The following IFT56 variants were observed in gnomAD, a reference collection of about 807,000 sequenced individuals.
The protein encoded by IFT56 is intraflagellar transport protein 56.
chr7:139,166,477 G>A, the IFT56 span, among the ~76,000 whole-genome samples: 1 of 151,652 alleles, frequency 6.6e-6, no homozygotes, highest in East Asian at 1.9e-4. Flanking sequence ...ATGTTTTAAA[G>A]CAAATCTCAG....
At chr7:139,135,943 G>A in the IFT56 span, among the ~76,000 whole-genome samples, 1 of 148,508 alleles carries the variant, frequency 6.7e-6, no homozygotes, top group Non-Finnish European at 1.5e-5. Flanking sequence ...CTTTTTTTGA[G>A]TTGGAGTTTC....
chr7:139,185,503 TATA>T, the IFT56 span, among the ~76,000 whole-genome samples: 43 of 152,214 alleles, frequency 2.8e-4, no homozygotes, highest in East Asian at 5.8e-3. Context: ...AGGTGAGTCT[TATA>T]ATGTTGAATC....
At chr7:139,176,970 G>A in the IFT56 span, among the ~76,000 whole-genome samples, 36 of 151,814 alleles carry the variant, frequency 2.4e-4, no homozygotes, top group African/African-American at 6.3e-4. Context: ...TCAGGAGATC[G>A]AGACCAGTCT....
chr7:139,168,581 A>AG, the IFT56 span: 1 of 541,458 alleles, frequency 1.8e-6, no homozygotes, highest in Non-Finnish European at 3.3e-6. Flanking sequence ...AAAAAAAAAA[A>AG]CAAAAAAAAA....
chr7:139,150,462 C>A, the IFT56 span, among the ~76,000 whole-genome samples: 1 of 152,154 alleles, frequency 6.6e-6, no homozygotes, highest in South Asian at 2.1e-4. Flanking sequence ...TAGTATACAC[C>A]TAGAATTATC....
At chr7:139,142,220 G>A in the IFT56 span, 4 of 1,612,906 alleles carry the variant, frequency 2.5e-6, 1 homozygote, top group South Asian at 3.3e-5. Context: ...CTAGACTGTT[G>A]AGTTCTTTAA....
the IFT56 span, among the ~76,000 whole-genome samples, chr7:139,138,502 G>C: frequency 6.6e-6 from 1 of 152,142 alleles, no homozygotes; most frequent in African/African-American, 2.4e-5. Context: ...ATAAAGGAGG[G>C]CTACTGTATA....
chr7:139,148,068 T>C, the IFT56 span: 1 of 674,038 alleles, frequency 1.5e-6, no homozygotes, highest in African/African-American at 1.8e-5. Context: ...AAAAAAATTA[T>C]ACTGATCATA....
the IFT56 span, chr7:139,139,830 AG>A: frequency 9.2e-7 from 1 of 1,081,636 alleles, no homozygotes; most frequent in Non-Finnish European, 1.4e-6. Flanking sequence ...CCATTGTGGA[AG>A]AATGGCCCAT....
the IFT56 span, among the ~76,000 whole-genome samples, chr7:139,185,201 CAA>C: frequency 0.18 from 27,463 of 149,888 alleles, 4,577 homozygotes; most frequent in African/African-American, 0.4. Context: ...ACCTTGTGTC[CAA>C]AAAAAAAGAG....
the IFT56 span, chr7:139,187,566 C>A: frequency 6.2e-7 from 1 of 1,611,576 alleles, no homozygotes; most frequent in Non-Finnish European, 8.5e-7. Context: ...GAAATACTAC[C>A]TCTACTCATT....
the IFT56 span, among the ~76,000 whole-genome samples, chr7:139,146,050 A>T: frequency 6.6e-6 from 1 of 152,098 alleles, no homozygotes; most frequent in Admixed American, 6.5e-5. Context: ...ATATTGCCAA[A>T]TTTGTATCAT....
chr7:139,153,359 G>A, the IFT56 span, among the ~76,000 whole-genome samples: 1 of 151,428 alleles, frequency 6.6e-6, no homozygotes, highest in South Asian at 2.1e-4. Context: ...GTTGAGGCAC[G>A]AGAATCACTT....
chr7:139,173,065 C>A, the IFT56 span: 4 of 732,180 alleles, frequency 5.5e-6, no homozygotes, highest in African/African-American at 3.5e-5. Flanking sequence ...CTCAGCTTTG[C>A]GCCTTTTGTG....
At chr7:139,166,848 C>T in the IFT56 span, 3 of 1,581,566 alleles carry the variant, frequency 1.9e-6, no homozygotes, top group East Asian at 2.2e-5. Flanking sequence ...AGATGATGTA[C>T]AAGAAGCTTA....
the IFT56 span, chr7:139,148,114 C>G: frequency 1.7e-6 from 2 of 1,193,866 alleles, no homozygotes; most frequent in Non-Finnish European, 2.4e-6. Context: ...GGTTCATGAA[C>G]TGTCCTCTTT....
At chr7:139,140,060 G>T in the IFT56 span, 2 of 1,210,992 alleles carry the variant, frequency 1.7e-6, no homozygotes, top group Non-Finnish European at 1.2e-6. Context: ...TTGTTTTGAA[G>T]ATTTTAAAAC....
the IFT56 span, among the ~76,000 whole-genome samples, chr7:139,156,722 A>G: frequency 5.3e-5 from 8 of 151,920 alleles, no homozygotes; most frequent in Non-Finnish European, 1.2e-4. Context: ...CAGACCATTT[A>G]TTGAAAAGAT....
chr7:139,138,971 C>T, the IFT56 span, among the ~76,000 whole-genome samples: 4 of 151,942 alleles, frequency 2.6e-5, no homozygotes, highest in Non-Finnish European at 4.4e-5. Flanking sequence ...CCACCATGCC[C>T]GGCTAATTTT....
Sources: gnomAD v4.1 joint callset for allele counts (sites outside exome capture counted in the v4.1 genomes callset) on GRCh38, gnomAD v4.1.1 for gene constraint, MANE v1.5 for transcripts, NCBI Gene and HGNC (gene_info 2026-07-23, HGNC 2026-07-21) for gene names.